The following SLC13A3 variants were observed in gnomAD, a reference collection of about 807,000 sequenced individuals.
SLC13A3 encodes solute carrier family 13 member 3, also known as Na(+)/dicarboxylate cotransporter 3.
SLC13A3 carries 40 observed loss-of-function variants against 59.0 expected under a neutral mutation model. The ratio of observed to expected loss-of-function variants is 0.68; its 90% CI spans 0.53 to 0.88. The LOEUF (loss-of-function observed/expected upper bound fraction) is 0.88. Among genes scored for constraint, SLC13A3 ranks in the 40% least tolerant of loss-of-function variants. The pLI is 0.00. For missense variants in SLC13A3, 699 were observed against 783.2 expected (o/e 0.89, Z 1.28); for synonymous variants, 317 against 330.3 (o/e 0.96, Z 0.44).
chr20:46,678,288 C>T (rs1402187262), intron 1 of SLC13A3, among the ~76,000 whole-genome samples: 3 of 152,170 alleles, frequency 2.0e-5, no homozygotes, highest in African/African-American at 7.2e-5. Context: ...TCTAACCTGA[C>T]AGTAAAAGGC....
In SLC13A3 at chr20:46,576,119, C is replaced by T. The variant is rs1230856188; in HGVS notation, c.1220-434G>A. ...CGAAATGATGGGATGATTTTTATTT[C>T]CTCGCAAGTGGCAGCGCTGCAGTGG... On this transcript the variant is annotated intron_variant, in intron 9 of 12. Transcript: ENST00000279027. Among the ~76,000 whole-genome samples, 5 of 151,778 alleles carry T rather than the reference C, an allele frequency of 3.3e-5. No individual in the cohort carries two copies. In the East Asian group the frequency reaches 9.6e-4, roughly 29 times the overall value.
intron 4 of SLC13A3, among the ~76,000 whole-genome samples, chr20:46,597,571 A>G (rs1202198372): frequency 2.6e-5 from 4 of 151,974 alleles, no homozygotes; most frequent in Non-Finnish European, 5.9e-5. Flanking sequence ...CGAGTAACTG[A>G]GATTATAGGT....
At chr20:46,634,332 G>A (rs1220276591) in intron 1 of SLC13A3, among the ~76,000 whole-genome samples, 2 of 152,178 alleles carry the variant, frequency 1.3e-5, no homozygotes, top group Non-Finnish European at 2.9e-5. Flanking sequence ...ATCCAGAGGT[G>A]ATGCAGATGG....
intron 1 of SLC13A3, among the ~76,000 whole-genome samples, chr20:46,681,474 AAGAG>A (rs1012270508): frequency 5.9e-5 from 9 of 151,376 alleles, no homozygotes; most frequent in Non-Finnish European, 8.8e-5. Context: ...GGAGGAAGAG[AAGAG>A]AGAAAGTGAA....
intron 10 of SLC13A3, among the ~76,000 whole-genome samples, chr20:46,571,567 G>A (rs2062028365): frequency 6.6e-6 from 1 of 152,136 alleles, no homozygotes; most frequent in South Asian, 2.1e-4. Flanking sequence ...GATGTGTTAA[G>A]CACCATTACG....
intron 8 of SLC13A3, chr20:46,585,397 C>A (rs911168943): frequency 1.2e-5 from 12 of 996,450 alleles, no homozygotes; most frequent in Non-Finnish European, 1.4e-5. Context: ...GTATGCATAA[C>A]TTTTGAAATT....
chr20:46,562,146 A>C (rs1410715521), intron 12 of SLC13A3, among the ~76,000 whole-genome samples: 2 of 151,448 alleles, frequency 1.3e-5, no homozygotes, highest in Non-Finnish European at 2.9e-5. Flanking sequence ...CTAACGATTC[A>C]CTCCAGCCAG....
Position 46,575,678 on chromosome 20 carries a change from G to T in SLC13A3, c.1227C>A (p.Asn409Lys). Residue 409 changes from asparagine (N) to lysine (K), a missense_variant, in exon 10 of 13, where the codon AAC (asparagine) becomes AAA (lysine). By Grantham distance (94) the Asn-to-Lys change is moderately conservative (BLOSUM62 0). Coordinates refer to ENST00000279027, the MANE Select transcript of SLC13A3 (RefSeq NM_022829.6). ...AGGTCAGCAAGGGCTCTGTCTCTGTGTTGGGAGCTGGGCAGAGAGAGGGAT... is the reference window on the plus strand; with the variant it reads ...AGGTCAGCAAGGGCTCTGTCTCTGTTTTGGGAGCTGGGCAGAGAGAGGGAT... ...LKWWFDFKAP[N>K]TETEPLLTWK... is the part of the protein sequence containing the mutation. 6.3e-7 allele frequency: 1 copy of T among 1,587,106 alleles called. No individual in the cohort carries two copies. The highest frequency in any genetic ancestry group is 8.6e-7 in the Non-Finnish European group (1 of 1,165,092).
chr20:46,667,775 C>T (rs1600630815), intron 1 of SLC13A3, among the ~76,000 whole-genome samples: 1 of 152,200 alleles, frequency 6.6e-6, no homozygotes, highest in East Asian at 1.9e-4. Flanking sequence ...ACAGATATTG[C>T]ATTTTTGTGA....
intron 5 of SLC13A3, 75 bp from the exon 6 acceptor site, chr20:46,592,604 A>C: frequency 6.7e-7 from 1 of 1,484,310 alleles, no homozygotes; most frequent in Admixed American, 1.7e-5. Context: ...GGGACCAGGC[A>C]GTACTAGTAG....
rs115532824 is a variant in SLC13A3, at chr20:46,602,875, G to A, written c.542-2838C>T. Among the ~76,000 whole-genome samples, 326 of 152,194 alleles carry A rather than the reference G, an allele frequency of 2.1e-3. 1 individual carries two copies. The highest frequency in any genetic ancestry group is 7.3e-3 in the African/African-American group (303 of 41,512). ...GAAGTAACCATTCTAGGATTGTTAAGAGGATTAAAGAGTTAATCTACTGCC... is the reference window on the plus strand; with the variant it reads ...GAAGTAACCATTCTAGGATTGTTAAAAGGATTAAAGAGTTAATCTACTGCC... On this transcript the variant is annotated intron_variant, in intron 3 of 12. Coordinates refer to ENST00000279027, the MANE Select transcript of SLC13A3 (RefSeq NM_022829.6).
At chr20:46,648,233 C>CA (rs2062914639) in intron 1 of SLC13A3, among the ~76,000 whole-genome samples, 1 of 148,040 alleles carries the variant, frequency 6.8e-6, no homozygotes, top group Admixed American at 6.8e-5. Flanking sequence ...GTGAGCTGCA[C>CA]TTTTTTTTTT....
At chr20:46,655,883 C>T (rs2062983846), upstream of SLC13A3, among the ~76,000 whole-genome samples, 1 of 134,426 alleles carries the variant, frequency 7.4e-6, no homozygotes, top group Admixed American at 7.6e-5. Flanking sequence ...ATATATTATA[C>T]TGTATATAAT....
At chr20:46,654,062 C>A (rs1228040202), upstream of SLC13A3, among the ~76,000 whole-genome samples, 4 of 152,120 alleles carry the variant, frequency 2.6e-5, no homozygotes, top group Non-Finnish European at 5.9e-5. Flanking sequence ...TTTACATTCC[C>A]ACGATGTGCA....
rs1361144428 is a variant in SLC13A3 at position 46,559,207 on chromosome 20, G to A, written c.*815C>T. 6.6e-6 allele frequency: 1 copy of A among 152,406 alleles called. No individual in the cohort carries two copies. The highest frequency in any genetic ancestry group is 1.5e-5 in the Non-Finnish European group (1 of 68,234). 9.4% of individuals were successfully genotyped at this position (152,406 alleles called of 1,614,324 possible). ...CAGAGGCCTATGGGGGCCACATGTAGGAGAGTCCTGGCTGGAGGGGTCATG... is the reference window on the plus strand; with the variant it reads ...CAGAGGCCTATGGGGGCCACATGTAAGAGAGTCCTGGCTGGAGGGGTCATG... On this transcript the variant is annotated 3_prime_UTR_variant, in exon 13 of 13. Transcript: ENST00000279027.
At chr20:46,667,130 G>A (rs2063066523) in intron 1 of SLC13A3, among the ~76,000 whole-genome samples, 1 of 152,134 alleles carries the variant, frequency 6.6e-6, no homozygotes, top group Non-Finnish European at 1.5e-5. Context: ...TGTCTCCCAT[G>A]ACCTTTCAGG....
At chr20:46,669,206 A>G (rs542586025) in intron 1 of SLC13A3, among the ~76,000 whole-genome samples, 51 of 152,306 alleles carry the variant, frequency 3.3e-4, no homozygotes, top group Non-Finnish European at 4.3e-4. Context: ...GTGAAGGAAT[A>G]TAACACATGA....
intron 1 of SLC13A3, among the ~76,000 whole-genome samples, chr20:46,638,427 G>T (rs1482590502): frequency 6.6e-6 from 1 of 152,246 alleles, no homozygotes; most frequent in South Asian, 2.1e-4. Context: ...GAGAAGCGGG[G>T]CCGTGGGCGG....
At chr20:46,563,632 G>GAGAGAGAC in intron 11 of SLC13A3, 81 bp from the exon 12 acceptor site, 14 of 1,455,530 alleles carry the variant, frequency 9.6e-6, no homozygotes, top group East Asian at 2.4e-5. Context: ...GAGAGAGAGA[G>GAGAGAGAC]GCAGTTGGAA....
Sources: allele counts gnomAD v4.1 joint callset (sites outside exome capture counted in the v4.1 genomes callset), GRCh38; gene constraint gnomAD v4.1.1; transcripts MANE v1.5; gene names NCBI Gene and HGNC (gene_info 2026-07-23, HGNC 2026-07-21).